CNTNAP2: variants seen among roughly 807,000 people sequenced by gnomAD.
The protein encoded by CNTNAP2 is contactin associated protein 2, also known as contactin-associated protein-like 2.
In CNTNAP2, 98 loss-of-function variants were observed where a neutral mutation model predicts 155.2. The observed-to-expected ratio is 0.63, with a 90% CI of 0.54 to 0.75. CNTNAP2 has a LOEUF of 0.75. CNTNAP2 is among the 30% of genes least tolerant of loss of function. The pLI is 0.00. For synonymous variants in CNTNAP2, 651 were observed against 631.2 expected, an observed-to-expected ratio of 1.03 and a Z score of -0.47; for missense variants, 1,727 against 1,688.1, an observed-to-expected ratio of 1.02 and a Z score of -0.40.
intron 22 of CNTNAP2, among the ~76,000 whole-genome samples, chr7:148,401,053 C>T (rs1232398877): frequency 6.6e-6 from 1 of 151,746 alleles, no homozygotes; most frequent in East Asian, 1.9e-4. Flanking sequence ...TGTACGTGTT[C>T]AGTACAGCTG....
chr7:146,660,823 T>G (rs1285673985), intron 1 of CNTNAP2, among the ~76,000 whole-genome samples: 1 of 152,240 alleles, frequency 6.6e-6, no homozygotes, highest in East Asian at 1.9e-4. Context: ...AATCGTTAAC[T>G]TCACTCATCA....
intron 1 of CNTNAP2, among the ~76,000 whole-genome samples, chr7:146,719,482 G>A (rs1801248060): frequency 6.6e-6 from 1 of 152,240 alleles, no homozygotes; most frequent in East Asian, 1.9e-4. Flanking sequence ...TGCAATTTCA[G>A]TTCACAGGCA....
At chr7:147,354,107 T>C (rs980277922) in intron 9 of CNTNAP2, among the ~76,000 whole-genome samples, 6 of 152,188 alleles carry the variant, frequency 3.9e-5, no homozygotes, top group African/African-American at 1.4e-4. Context: ...CTGATGATAG[T>C]TTCTTTTGCT....
chr7:146,205,585 G>A (rs1256619968), intron 1 of CNTNAP2, among the ~76,000 whole-genome samples: 1 of 151,578 alleles, frequency 6.6e-6, no homozygotes, highest in East Asian at 1.9e-4. Context: ...TAAGATATTG[G>A]AAATAAAGTA....
At chr7:147,925,809 G>A (rs4726896) in intron 14 of CNTNAP2, among the ~76,000 whole-genome samples, 46,893 of 151,994 alleles carry the variant, frequency 0.31, 7,761 homozygotes, top group East Asian at 0.54. Flanking sequence ...TATCATTAGA[G>A]CATCACACAA....
intron 1 of CNTNAP2, among the ~76,000 whole-genome samples, chr7:146,331,349 G>T (rs914134300): frequency 6.6e-6 from 1 of 151,204 alleles, no homozygotes. Context: ...TAAATTATTC[G>T]GCCCTTTATT....
intron 13 of CNTNAP2, among the ~76,000 whole-genome samples, chr7:147,650,696 A>C (rs1216392839): frequency 6.6e-6 from 1 of 152,158 alleles, no homozygotes; most frequent in Non-Finnish European, 1.5e-5. Context: ...TCTAGTCAAC[A>C]GTAGGCTATT....
In CNTNAP2 at chr7:147,519,684, G is replaced by A. The variant is rs111402965; in HGVS notation, c.1777+33643G>A. 4.6e-5 allele frequency among the ~76,000 whole-genome samples: 7 copies of A among 152,302 alleles called. 1 individual carries two copies. The highest frequency in any genetic ancestry group is 1.7e-4 in the African/African-American group (7 of 41,578). ...TGGAGACCAGCCTGGCCAACGGGGT[G>A]CAACCCCATCTCAACTAAACAAAAA... On this transcript the variant is annotated intron_variant, in intron 11 of 23. Coordinates refer to ENST00000361727, the MANE Select transcript of CNTNAP2 (RefSeq NM_014141.6).
At chr7:147,902,960 T>A (rs949488243) in intron 13 of CNTNAP2, among the ~76,000 whole-genome samples, 3 of 152,130 alleles carry the variant, frequency 2.0e-5, no homozygotes, top group African/African-American at 7.2e-5. Context: ...CTTTTTCGTA[T>A]AATGACTTCT....
intron 9 of CNTNAP2, among the ~76,000 whole-genome samples, chr7:147,372,727 C>CT (rs967184213): frequency 3.3e-5 from 5 of 151,954 alleles, no homozygotes; most frequent in African/African-American, 9.7e-5. Flanking sequence ...CAGATAAATA[C>CT]TTTTTTAAAA....
intron 1 of CNTNAP2, among the ~76,000 whole-genome samples, chr7:146,626,354 T>C (rs1202548606): frequency 1.3e-5 from 2 of 152,164 alleles, no homozygotes; most frequent in African/African-American, 4.8e-5. Flanking sequence ...CGCTTGTATC[T>C]ATCATTCTGT....
intron 1 of CNTNAP2, among the ~76,000 whole-genome samples, chr7:146,294,494 G>T (rs374499294): frequency 1.3e-5 from 2 of 152,166 alleles, no homozygotes; most frequent in South Asian, 2.1e-4. Context: ...CAAACCTTGT[G>T]TGGTCGTTGT....
intron 3 of CNTNAP2, among the ~76,000 whole-genome samples, chr7:146,948,795 A>G (rs1265113386): frequency 6.6e-6 from 1 of 152,158 alleles, no homozygotes; most frequent in Non-Finnish European, 1.5e-5. Context: ...GTACATGACA[A>G]AGCTTTTTTC....
At chr7:147,507,175 T>A (rs1397979546) in intron 11 of CNTNAP2, among the ~76,000 whole-genome samples, 1 of 152,020 alleles carries the variant, frequency 6.6e-6, no homozygotes, top group East Asian at 1.9e-4. Flanking sequence ...TCAGACCTAC[T>A]CTCCAGAGAG....
chr7:147,621,885 A>G (rs1027189055), intron 12 of CNTNAP2, among the ~76,000 whole-genome samples: 16 of 152,022 alleles, frequency 1.1e-4, no homozygotes, highest in African/African-American at 3.4e-4. Flanking sequence ...CCTACAAGGA[A>G]CACACTTCAC....
intron 15 of CNTNAP2, among the ~76,000 whole-genome samples, chr7:147,980,483 C>T (rs986965182): frequency 6.6e-6 from 1 of 152,102 alleles, no homozygotes; most frequent in Non-Finnish European, 1.5e-5. Flanking sequence ...AAGCAGTCAA[C>T]AGTTAATGGC....
intron 11 of CNTNAP2, among the ~76,000 whole-genome samples, chr7:147,526,104 ATTGC>A (rs1219616615): frequency 6.7e-6 from 1 of 150,370 alleles, no homozygotes; most frequent in Non-Finnish European, 1.5e-5. Flanking sequence ...AGGCAGGAGC[ATTGC>A]TTGAACATGG....
At chr7:147,363,441 C>T (rs1465203164) in intron 9 of CNTNAP2, among the ~76,000 whole-genome samples, 1 of 152,074 alleles carries the variant, frequency 6.6e-6, no homozygotes, top group Admixed American at 6.6e-5. Flanking sequence ...TATTTGTCAC[C>T]CCGTATAAAG....
chr7:146,964,125 T>C (rs959411611), intron 3 of CNTNAP2, among the ~76,000 whole-genome samples: 1 of 152,194 alleles, frequency 6.6e-6, no homozygotes, highest in South Asian at 2.1e-4. Context: ...CAAATCAGAA[T>C]TGGAAACTTT....
Sources: gnomAD v4.1 joint callset for allele counts (sites outside exome capture counted in the v4.1 genomes callset) on GRCh38, gnomAD v4.1.1 for gene constraint, MANE v1.5 for transcripts, NCBI Gene and HGNC (gene_info 2026-07-23, HGNC 2026-07-21) for gene names.